STIMATE: variants seen among roughly 807,000 people sequenced by gnomAD.
STIMATE encodes store-operated calcium entry regulator STIMATE.
STIMATE carries 15 observed loss-of-function variants against 36.7 expected under a neutral mutation model. That is an observed-to-expected ratio of 0.41 (90% CI 0.27 to 0.63). The LOEUF is 0.63. Among genes scored for constraint, STIMATE ranks in the 20% least tolerant of loss-of-function variants. The probability of loss-of-function intolerance (pLI) is 0.32; values close to 1 mark genes in which losing one functional copy is unlikely to be tolerated. For synonymous variants in STIMATE, 163 were observed against 162.3 expected (o/e 1.00, Z -0.03); for missense variants, 305 against 397.3 (o/e 0.77, Z 1.98).
At chr3:52,846,028 G>T (rs1020827096) in intron 4 of STIMATE, among the ~76,000 whole-genome samples, 2 of 152,344 alleles carry the variant, frequency 1.3e-5, no homozygotes, top group East Asian at 3.9e-4. Context: ...TTCTCACTTG[G>T]CTTTATTGTT....
intron 1 of STIMATE, among the ~76,000 whole-genome samples, chr3:52,871,401 A>G (rs1162453468): frequency 6.6e-6 from 1 of 152,018 alleles, no homozygotes; most frequent in Non-Finnish European, 1.5e-5. Context: ...TCTGTGTGGG[A>G]GCACCTGCGG....
intron 1 of STIMATE, among the ~76,000 whole-genome samples, chr3:52,888,790 T>G (rs1575351143): frequency 6.6e-6 from 1 of 152,230 alleles, no homozygotes; most frequent in Non-Finnish European, 1.5e-5. Flanking sequence ...TGACTTATTC[T>G]GCATACAAGA....
rs916040833 is a variant in STIMATE, at chr3:52,837,711, G to A, written c.*2783C>T. On this transcript the variant is annotated 3_prime_UTR_variant, in exon 8 of 8. Coordinates refer to ENST00000355083, the MANE Select transcript of STIMATE (RefSeq NM_198563.5). ...CCACAGGTGGCTTGGCTGAGGTCCA[G>A]ATTTGGACAAATCAGATTCATAGCA... The A allele has an allele frequency of 2.0e-4, 30 of 152,254 alleles. No homozygotes were observed. The highest frequency in any genetic ancestry group is 7.0e-4 in the African/African-American group (29 of 41,468). The allele number at this position is 152,254 out of a possible 1,614,324, so 9.4% of individuals were successfully genotyped here. A position where few individuals can be genotyped will look rare whatever the true frequency, so the allele number is the denominator to read the frequency against.
chr3:52,877,489 G>C (rs1357982825), intron 1 of STIMATE, among the ~76,000 whole-genome samples: 3 of 152,220 alleles, frequency 2.0e-5, no homozygotes, highest in Admixed American at 1.3e-4. Flanking sequence ...GTAGGCATTG[G>C]AGGGGAAAGG....
Position 52,861,611 on chromosome 3 carries a change from G to C in STIMATE, c.161-6167C>G, listed in dbSNP as rs74448837. Among the ~76,000 whole-genome samples the C allele has an allele frequency of 3.1e-3, 469 of 152,342 alleles. 11 individuals are homozygous for C. The East Asian group carries it at 0.067, about 22-fold the overall frequency. On this transcript the variant is annotated intron_variant, in intron 1 of 7. Transcript: ENST00000355083. ...GTCTCCAGGATTAAATGAGAAGACA[G>C]ATGGAAATGTCAGTGATGAACATGT...
chr3:52,860,473 C>A (rs373324187), intron 1 of STIMATE, among the ~76,000 whole-genome samples: 16 of 151,252 alleles, frequency 1.1e-4, no homozygotes, highest in African/African-American at 3.6e-4. Flanking sequence ...AACAGCAGGG[C>A]GTGCGGGAGA....
intron 1 of STIMATE, among the ~76,000 whole-genome samples, chr3:52,862,174 C>T (rs761628528): frequency 5.7e-4 from 87 of 152,178 alleles, no homozygotes; most frequent in Non-Finnish European, 9.1e-4. Context: ...GCTCCTTACT[C>T]TCCTCCTTCC....
chr3:52,864,238 T>C (rs1413856583), intron 1 of STIMATE, among the ~76,000 whole-genome samples: 1 of 152,210 alleles, frequency 6.6e-6, no homozygotes, highest in East Asian at 1.9e-4. Context: ...TGTTCTGAAA[T>C]CTAGGCGGAG....
intron 1 of STIMATE, among the ~76,000 whole-genome samples, chr3:52,876,153 C>T (rs1701500636): frequency 6.6e-6 from 1 of 152,234 alleles, no homozygotes; most frequent in Non-Finnish European, 1.5e-5. Context: ...TCATTCCTCA[C>T]TCAACCCTAG....
intron 1 of STIMATE, among the ~76,000 whole-genome samples, chr3:52,893,271 G>A (rs908914120): frequency 3.3e-5 from 5 of 152,006 alleles, no homozygotes; most frequent in Non-Finnish European, 7.4e-5. Flanking sequence ...TGATGAAATT[G>A]TGGTTATGTG....
intron 1 of STIMATE, among the ~76,000 whole-genome samples, chr3:52,880,546 C>A (rs1364318266): frequency 1.3e-5 from 2 of 152,226 alleles, no homozygotes; most frequent in Non-Finnish European, 2.9e-5. Context: ...GGAGTGCTCA[C>A]AGCAGAGAAC....
chr3:52,840,643 C>T (rs1700780858), intron 7 of STIMATE, 33 bp from the exon 8 acceptor site: 4 of 1,597,976 alleles, frequency 2.5e-6, no homozygotes, highest in Non-Finnish European at 3.4e-6. Context: ...CCTGAGTCAC[C>T]CCCAGCAGGG....
chr3:52,894,808 C>T (rs1701837851), intron 1 of STIMATE, among the ~76,000 whole-genome samples: 1 of 152,206 alleles, frequency 6.6e-6, no homozygotes, highest in South Asian at 2.1e-4. Context: ...GAGCCCATTG[C>T]CTCGAGGGCC....
At chr3:52,873,984 A>C (rs1701454676) in intron 1 of STIMATE, among the ~76,000 whole-genome samples, 1 of 152,228 alleles carries the variant, frequency 6.6e-6, no homozygotes, top group African/African-American at 2.4e-5. Flanking sequence ...CAGTCCACAA[A>C]ACACATGAAA....
rs2106639175 is a variant in STIMATE at position 52,837,454 on chromosome 3, C to T, written c.*3040G>A. On this transcript the variant is annotated 3_prime_UTR_variant, in exon 8 of 8. Coordinates refer to ENST00000355083, the MANE Select transcript of STIMATE (RefSeq NM_198563.5). ...TTGAGGAAGGAGGCCACCAGCACGG[C>T]TGAGGGGCCACAGACCCTCCTCTTG... The T allele has an allele frequency of 6.6e-6, 1 of 152,342 alleles. No individual in the cohort carries two copies. Among genetic ancestry groups the T allele is most frequent in the South Asian group, 2.1e-4 (1 of 4,836 alleles). 9.4% of individuals were successfully genotyped at this position (152,342 alleles called of 1,614,324 possible). A position where few individuals can be genotyped will look rare whatever the true frequency, so the allele number is the denominator to read the frequency against.
chr3:52,880,411 T>C (rs1180051651), intron 1 of STIMATE, among the ~76,000 whole-genome samples: 5 of 152,210 alleles, frequency 3.3e-5, no homozygotes, highest in Admixed American at 1.3e-4. Context: ...AATTATTACA[T>C]ATTCATTATA....
At position 52,893,042 on chromosome 3, in the gene STIMATE, C is replaced by G. The variant is rs185665096; in HGVS notation, c.160+4249G>C. 4.7e-4 allele frequency among the ~76,000 whole-genome samples: 65 copies of G among 138,766 alleles called. No individual in the cohort carries two copies. In the East Asian group the frequency reaches 8.7e-3, roughly 19 times the overall value. 91.0% of individuals were successfully genotyped at this position (138,766 alleles called of 152,430 possible). On this transcript the variant is annotated intron_variant, in intron 1 of 7. Coordinates refer to ENST00000355083, the MANE Select transcript of STIMATE (RefSeq NM_198563.5). ...CCAGAACTCTTCAAAAAGCCAGAAA[C>G]ATTGAAAAAAAAAAAAAAGTGTGCA... is the stretch of plus-strand genomic sequence containing the variant.
At chr3:52,840,791 CT>C (rs2106644645) in intron 7 of STIMATE, among the ~76,000 whole-genome samples, 181 bp from the exon 8 acceptor site, 1 of 151,734 alleles carries the variant, frequency 6.6e-6, no homozygotes, top group South Asian at 2.1e-4. Context: ...CCTCTGCCTC[CT>C]GGGTTCGAGT....
chr3:52,858,899 C>T (rs1483182434), intron 1 of STIMATE, among the ~76,000 whole-genome samples: 1 of 152,126 alleles, frequency 6.6e-6, no homozygotes, highest in Non-Finnish European at 1.5e-5. Flanking sequence ...TGGCTCACAC[C>T]TGTAATCCCA....
Sources: gnomAD v4.1 joint callset for allele counts (sites outside exome capture counted in the v4.1 genomes callset) on GRCh38, gnomAD v4.1.1 for gene constraint, MANE v1.5 for transcripts, NCBI Gene and HGNC (gene_info 2026-07-23, HGNC 2026-07-21) for gene names.